Variants in DYNC2H1 observed in about 807,000 individuals in gnomAD.
The protein encoded by DYNC2H1 is cytoplasmic dynein 2 heavy chain 1.
Under a neutral mutation model 570.0 loss-of-function variants are expected in DYNC2H1, and 410 were observed. The ratio of observed to expected loss-of-function variants is 0.72; its 90% CI spans 0.66 to 0.78. The LOEUF is 0.78. DYNC2H1 is among the 30% of genes least tolerant of loss of function. DYNC2H1 has a pLI of 0.00. For synonymous variants in DYNC2H1, 1,688 were observed against 1,677.6 expected (o/e 1.01, Z -0.15); for missense variants, 4,865 against 5,046.4 (o/e 0.96, Z 1.09).
At chr11:103,207,528 A>C (rs1036597582) in intron 52 of DYNC2H1, among the ~76,000 whole-genome samples, 1 of 152,034 alleles carries the variant, frequency 6.6e-6, no homozygotes. Context: ...CTCTTTTCTA[A>C]TTGTTTCTAT....
At chr11:103,207,242 TAAA>T (rs71066138) in intron 52 of DYNC2H1, among the ~76,000 whole-genome samples, 90,371 of 139,524 alleles carry the variant, frequency 0.65, 29,587 homozygotes, top group East Asian at 0.75. Flanking sequence ...TTTTTTTTTT[TAAA>T]AAAAGATGGG....
rs182628696 is a variant in DYNC2H1, at chr11:103,417,767, A to G, written c.12366+17895A>G. On this transcript the variant is annotated intron_variant, in intron 84 of 88. Transcript: ENST00000375735. ...GGCACGTGCCTGTAATTCCAGCTAC[A>G]CAAGAGGCGGAGGCAGGAGAATTGC... Among the ~76,000 whole-genome samples, 24 of 151,960 alleles carry G rather than the reference A, an allele frequency of 1.6e-4. 1 individual carries two copies. Among genetic ancestry groups the G allele is most frequent in the Non-Finnish European group, 1.5e-5 (1 of 67,942 alleles).
intron 65 of DYNC2H1, among the ~76,000 whole-genome samples, chr11:103,246,632 C>G (rs1254570275): frequency 6.6e-6 from 1 of 152,024 alleles, no homozygotes; most frequent in Non-Finnish European, 1.5e-5. Context: ...ATCTTCTCCG[C>G]AGGGTTGGAT....
At chr11:103,168,085 A>T (rs1861407165) in intron 31 of DYNC2H1, among the ~76,000 whole-genome samples, 2 of 152,152 alleles carry the variant, frequency 1.3e-5, no homozygotes, top group East Asian at 1.9e-4. Context: ...TTCTCTGGCC[A>T]GAAAGCTGGG....
intron 19 of DYNC2H1, 49 bp from the exon 20 acceptor site, chr11:103,148,441 T>C: frequency 3.3e-6 from 5 of 1,523,520 alleles, no homozygotes; most frequent in Non-Finnish European, 4.4e-6. Context: ...AACTTAGTAT[T>C]TTTGATGGTA....
At chr11:103,432,996 G>GT (rs1238110746) in intron 84 of DYNC2H1, among the ~76,000 whole-genome samples, 3 of 152,018 alleles carry the variant, frequency 2.0e-5, no homozygotes, top group Admixed American at 6.6e-5. Context: ...TGATTGAATT[G>GT]TTTTTTCCCT....
Position 103,238,947 on chromosome 11 carries a change from T to C in DYNC2H1, c.9819+2408T>C, listed in dbSNP as rs1864324665. Among the ~76,000 whole-genome samples the C allele has an allele frequency of 1.3e-5, 2 of 152,172 alleles. 1 individual carries two copies. Among genetic ancestry groups the C allele is most frequent in the South Asian group, 4.1e-4 (2 of 4,834 alleles). On this transcript the variant is annotated intron_variant, in intron 63 of 88. Coordinates refer to ENST00000375735, the MANE Select transcript of DYNC2H1 (RefSeq NM_001377.3). ...CTTGTTGTCCTGATACAATTATTAATAGTTTTCCTTTCACTCTCAACAGTG... is the reference window on the plus strand; with the variant it reads ...CTTGTTGTCCTGATACAATTATTAACAGTTTTCCTTTCACTCTCAACAGTG...
intron 54 of DYNC2H1, 44 bp from the exon 55 acceptor site, chr11:103,215,677 A>T: frequency 6.6e-7 from 1 of 1,508,590 alleles, no homozygotes; most frequent in Non-Finnish European, 8.9e-7. Flanking sequence ...TGTGTGTAAA[A>T]TTCCTTTTTT....
At chr11:103,341,888 G>A (rs919007793) in intron 82 of DYNC2H1, among the ~76,000 whole-genome samples, 16 of 152,128 alleles carry the variant, frequency 1.1e-4, no homozygotes, top group African/African-American at 3.4e-4. Context: ...AATTATTTCA[G>A]TTCTCTCCAT....
intron 84 of DYNC2H1, among the ~76,000 whole-genome samples, chr11:103,400,281 G>A (rs182680069): frequency 1.4e-5 from 2 of 142,442 alleles, no homozygotes; most frequent in Non-Finnish European, 3.0e-5. Flanking sequence ...TGGCTCATGC[G>A]TTATGCCTAT....
chr11:103,375,864 G>A (rs1243921987), intron 83 of DYNC2H1, among the ~76,000 whole-genome samples: 1 of 152,212 alleles, frequency 6.6e-6, no homozygotes, highest in African/African-American at 2.4e-5. Context: ...TTGGGGGACT[G>A]TTGAGAAGGC....
At chr11:103,282,867 A>G (rs933615081) in intron 72 of DYNC2H1, 141 bp from the exon 73 acceptor site, 3 of 600,008 alleles carry the variant, frequency 5.0e-6, no homozygotes, top group Non-Finnish European at 2.8e-6. Flanking sequence ...TACCATGGTG[A>G]CTTGTAAAAT....
chr11:103,256,311 T>C lies in DYNC2H1; in HGVS notation c.10461+71T>C. The stretch of plus-strand genomic sequence containing the variant: ...ATTTAGGTTAATATGATAGAAAATG[T>C]AGAATCAGGTCCTCAGGGGAAAGAT... On this transcript the variant is annotated intron_variant, in intron 68 of 88. Coordinates refer to ENST00000375735, the MANE Select transcript of DYNC2H1 (RefSeq NM_001377.3). The surrounding 1 kb of genome is among the most constrained non-coding windows in gnomAD (Gnocchi z 4.0). 1 of 1,414,252 alleles carries C rather than the reference T, an allele frequency of 7.1e-7. No individual in the cohort carries two copies. Among genetic ancestry groups the C allele is most frequent in the Non-Finnish European group, 9.6e-7 (1 of 1,043,222 alleles). The allele number at this position is 1,414,252 out of a possible 1,614,324, so 87.6% of individuals were successfully genotyped here. A position where few individuals can be genotyped will look rare whatever the true frequency, so the allele number is the denominator to read the frequency against.
intron 84 of DYNC2H1, 22 bp downstream of exon 84, chr11:103,399,894 G>A (rs1469188071): frequency 1.3e-6 from 2 of 1,587,164 alleles, no homozygotes; most frequent in Admixed American, 3.4e-5. Flanking sequence ...CTAACTGTAT[G>A]TATTTTTATT....
chr11:103,385,249 T>G (rs1941823967), intron 83 of DYNC2H1, among the ~76,000 whole-genome samples: 1 of 151,832 alleles, frequency 6.6e-6, no homozygotes, highest in South Asian at 2.1e-4. Context: ...GAGTTACTCT[T>G]TAAATTTTGA....
rs547537083 is a variant in DYNC2H1, at chr11:103,264,573, C to T, written c.10695+4596C>T. 1.3e-5 allele frequency among the ~76,000 whole-genome samples: 2 copies of T among 152,126 alleles called. No homozygotes were observed. Among genetic ancestry groups the T allele is most frequent in the Non-Finnish European group, 2.9e-5 (2 of 68,024 alleles). On this transcript the variant is annotated intron_variant, in intron 70 of 88. Transcript: ENST00000375735. This position sits in a 1 kb window ranked among gnomAD's most constrained non-coding sequence, Gnocchi z 4.8. The stretch of plus-strand genomic sequence containing the variant: ...CAATAAATATAATCCATGACATGAA[C>T]AGAACTAATGACAAAAACCACATGA...
At chr11:103,431,228 A>AAC (rs1321810683) in intron 84 of DYNC2H1, among the ~76,000 whole-genome samples, 2 of 151,614 alleles carry the variant, frequency 1.3e-5, no homozygotes, top group African/African-American at 2.4e-5. Context: ...AAAAAAAAAA[A>AAC]AAAAACTAAA....
intron 83 of DYNC2H1, among the ~76,000 whole-genome samples, chr11:103,366,547 G>T (rs916703045): frequency 6.6e-6 from 1 of 152,098 alleles, no homozygotes; most frequent in Non-Finnish European, 1.5e-5. Context: ...GGACTGAAAT[G>T]AGATATTTTT....
At chr11:103,387,190 A>C (rs1342753075) in intron 83 of DYNC2H1, among the ~76,000 whole-genome samples, 1 of 152,148 alleles carries the variant, frequency 6.6e-6, no homozygotes, top group East Asian at 1.9e-4. Flanking sequence ...AATGATTGAC[A>C]TTCTAACTGG....
Sources: allele counts gnomAD v4.1 joint callset (sites outside exome capture counted in the v4.1 genomes callset), GRCh38; gene constraint gnomAD v4.1.1; non-coding constraint Gnocchi (gnomAD v3.1); transcripts MANE v1.5; gene names NCBI Gene and HGNC (gene_info 2026-07-23, HGNC 2026-07-21).